The following SORT1 variants were observed in gnomAD, a reference collection of about 807,000 sequenced individuals.
The protein encoded by SORT1 is sortilin.
Under a neutral mutation model 101.7 loss-of-function variants are expected in SORT1, and 39 were observed. The observed-to-expected ratio is 0.38, with a 90% CI of 0.30 to 0.50. The LOEUF (loss-of-function observed/expected upper bound fraction) is 0.50. Ranked by LOEUF, SORT1 falls within the 20% of genes least tolerant of loss-of-function variation. The pLI is 0.90. For missense variants in SORT1, 878 were observed against 1,040.4 expected, an observed-to-expected ratio of 0.84 and a Z score of 2.15; for synonymous variants, 396 against 393.7, an observed-to-expected ratio of 1.01 and a Z score of -0.07.
chr1:109,364,227 A>T (rs2101619516), intron 3 of SORT1, among the ~76,000 whole-genome samples: 1 of 152,334 alleles, frequency 6.6e-6, no homozygotes, highest in Admixed American at 6.5e-5. Flanking sequence ...AACAGGCTGA[A>T]AAAAGGCTGA....
At chr1:109,357,405 G>T (rs529438159) in intron 3 of SORT1, among the ~76,000 whole-genome samples, 2 of 152,374 alleles carry the variant, frequency 1.3e-5, no homozygotes, top group Non-Finnish European at 2.9e-5. Flanking sequence ...CATGAGCAGT[G>T]TAAGGGGCTG....
intron 11 of SORT1, among the ~76,000 whole-genome samples, chr1:109,329,829 C>A (rs1383603189): frequency 6.6e-6 from 1 of 152,168 alleles, no homozygotes; most frequent in African/African-American, 2.4e-5. Flanking sequence ...AAGGAAAGAG[C>A]AAACTTGAAC....
chr1:109,383,357 A>G (rs1652380021), intron 1 of SORT1, among the ~76,000 whole-genome samples: 1 of 152,222 alleles, frequency 6.6e-6, no homozygotes, highest in Admixed American at 6.5e-5. Context: ...GTGATAATAC[A>G]TGCTCTGAGC....
chr1:109,397,408 GCCGGCCGCCCGGGCCCGACTCCGCCCGC>G (rs1653254850), intron 1 of SORT1, 151 bp downstream of exon 1: 1 of 195,630 alleles, frequency 5.1e-6, no homozygotes, highest in Non-Finnish European at 9.4e-6. Context: ...ACACAGCCCC[GCCGGCCGCCCGGGCCCGACTCCGCCCGC>G]CCGCCCGCCG....
At chr1:109,380,848 C>T (rs935510563) in intron 1 of SORT1, among the ~76,000 whole-genome samples, 1 of 136,558 alleles carries the variant, frequency 7.3e-6, no homozygotes, top group East Asian at 2.1e-4. Flanking sequence ...AAAAATTAGC[C>T]GGGTATGGTG....
intron 1 of SORT1, chr1:109,393,059 G>A (rs929548496): frequency 3.0e-6 from 3 of 985,268 alleles, no homozygotes; most frequent in Non-Finnish European, 2.4e-6. Flanking sequence ...AAGGTCTGGC[G>A]ATTCACAACA....
intron 2 of SORT1, among the ~76,000 whole-genome samples, chr1:109,368,202 G>A (rs1356371942): frequency 1.3e-5 from 2 of 150,408 alleles, no homozygotes; most frequent in Non-Finnish European, 2.9e-5. Flanking sequence ...GCTGAGGCAT[G>A]AGAATTGCTT....
intron 1 of SORT1, among the ~76,000 whole-genome samples, chr1:109,378,751 T>C (rs1356636430): frequency 1.2e-5 from 1 of 80,580 alleles, no homozygotes; most frequent in Non-Finnish European, 2.5e-5. Flanking sequence ...TATATATATA[T>C]ATATATATAT....
chr1:109,395,932 AAAG>A (rs1653157402), intron 1 of SORT1, among the ~76,000 whole-genome samples: 1 of 152,032 alleles, frequency 6.6e-6, no homozygotes, highest in Non-Finnish European at 1.5e-5. Flanking sequence ...GAAAGAAAGA[AAAG>A]AACAATTAGC....
In SORT1 at chr1:109,324,934, T is replaced by A. The variant is rs1396793250; in HGVS notation, c.1799A>T (p.Tyr600Phe). Residue 600 changes from tyrosine to phenylalanine, a missense_variant, in exon 14 of 20, where the codon TAC becomes TTC. By Grantham distance (22) the Tyr-to-Phe change is conservative (BLOSUM62 3). Around this residue, in one of 2 missense-constraint regions of SORT1, gnomAD observed 684 missense variants for 894.5 expected, o/e 0.76. Coordinates refer to ENST00000256637, the MANE Select transcript of SORT1 (RefSeq NM_002959.7). ...AAGGATATCTTTAAAATCAATGGTG[T>A]AGGAGACCCACTGGCTGGTCAGGAA... ...ESFLTSQWVSYTIDFKDILER... is the reference protein window; with the variant it reads ...ESFLTSQWVSFTIDFKDILER... The A allele has an allele frequency of 6.2e-7, 1 of 1,613,396 alleles. No homozygotes were observed. The highest frequency in any genetic ancestry group is 1.3e-5 in the African/African-American group (1 of 74,932).
chr1:109,338,330 C>T (rs975452374), intron 10 of SORT1, among the ~76,000 whole-genome samples: 15 of 152,210 alleles, frequency 9.9e-5, no homozygotes, highest in South Asian at 6.2e-4. Flanking sequence ...GAAAGAGAAG[C>T]GCTGGAGGTG....
intron 15 of SORT1, among the ~76,000 whole-genome samples, chr1:109,321,250 G>A (rs1647606182): frequency 6.6e-6 from 1 of 152,132 alleles, no homozygotes; most frequent in Admixed American, 6.6e-5. Flanking sequence ...GGGGAACTCT[G>A]GGGGTCTAGA....
chr1:109,317,081 G>A, intron 16 of SORT1, 123 bp from the exon 17 acceptor site: 1 of 666,996 alleles, frequency 1.5e-6, no homozygotes, highest in South Asian at 1.9e-5. Context: ...CATGTTTCAG[G>A]CCTGGGGGGA....
intron 1 of SORT1, among the ~76,000 whole-genome samples, chr1:109,377,746 C>T (rs1036446428): frequency 2.0e-5 from 3 of 152,124 alleles, no homozygotes; most frequent in African/African-American, 7.2e-5. Context: ...GCAGAGTTTA[C>T]AGAGTTGGGA....
intron 10 of SORT1, 43 bp from the exon 11 acceptor site, chr1:109,336,389 T>C (rs1648831026): frequency 2.4e-6 from 3 of 1,241,166 alleles, no homozygotes; most frequent in African/African-American, 1.5e-5. Context: ...ACACTGGAAG[T>C]ACCTAGGTTA....
intron 1 of SORT1, among the ~76,000 whole-genome samples, chr1:109,387,876 A>G (rs10858090): frequency 0.73 from 110,360 of 152,018 alleles, 40,342 homozygotes; most frequent in East Asian, 0.96. Flanking sequence ...CTTGAGCCCC[A>G]GAGGCGGAGG....
At chr1:109,388,395 T>C (rs1041796309) in intron 1 of SORT1, among the ~76,000 whole-genome samples, 11 of 151,184 alleles carry the variant, frequency 7.3e-5, no homozygotes, top group Admixed American at 2.0e-4. Context: ...TATGCTACCA[T>C]ACCAGGCTAA....
rs1053632501 is a variant in SORT1 at position 109,313,947 on chromosome 1, C to T, written c.*96G>A. On this transcript the variant is annotated 3_prime_UTR_variant, in exon 20 of 20. Coordinates refer to ENST00000256637, the MANE Select transcript of SORT1 (RefSeq NM_002959.7). ...GCAGCAGAAACAGAGCTGGGTCCCT[C>T]GCAATGGGAAATTTATTTCCTGAAG... The T allele has an allele frequency of 3.5e-5, 45 of 1,287,102 alleles. No homozygotes were observed. The African/African-American group carries it at 5.1e-4, about 15-fold the overall frequency. 79.7% of individuals were successfully genotyped at this position (1,287,102 alleles called of 1,614,324 possible). A position where few individuals can be genotyped will look rare whatever the true frequency, so the allele number is the denominator to read the frequency against.
intron 11 of SORT1, among the ~76,000 whole-genome samples, chr1:109,334,372 C>A (rs946770101): frequency 2.6e-5 from 4 of 152,106 alleles, no homozygotes; most frequent in African/African-American, 7.2e-5. Flanking sequence ...AGAAGGAAAT[C>A]CTGTCATCTG....
Sources: allele counts gnomAD v4.1 joint callset (sites outside exome capture counted in the v4.1 genomes callset), GRCh38; gene constraint gnomAD v4.1.1; regional missense constraint gnomAD v4.1.1; transcripts MANE v1.5; gene names NCBI Gene and HGNC (gene_info 2026-07-23, HGNC 2026-07-21).